The following KISS1R variants were observed in gnomAD, a reference collection of about 807,000 sequenced individuals.
KISS1R encodes KISS1 receptor, also known as kiSS-1 receptor.
In KISS1R, 19 loss-of-function variants were observed where a neutral mutation model predicts 22.0. That is an observed-to-expected ratio of 0.86 (90% CI 0.60 to 1.26). The LOEUF (loss-of-function observed/expected upper bound fraction) is 1.26, where lower values mean the gene tolerates loss of function less well. KISS1R is among the 50% of genes most tolerant of loss of function. The probability of loss-of-function intolerance (pLI) is 0.00; values close to 1 mark genes in which losing one functional copy is unlikely to be tolerated. For synonymous variants in KISS1R, 302 were observed against 283.9 expected, an observed-to-expected ratio of 1.06 and a Z score of -0.64; for missense variants, 653 against 581.9, an observed-to-expected ratio of 1.12 and a Z score of -1.26.
chr19:918,499 C>T, intron 1 of KISS1R, 45 bp from the exon 2 acceptor site: 3 of 1,535,628 alleles, frequency 2.0e-6, no homozygotes, highest in Non-Finnish European at 2.6e-6. Context: ...GCGGTTCCCG[C>T]GGCCAGTGGC....
Position 918,650 on chromosome 19 carries a change from C to T in KISS1R, c.351C>T (p.Phe117=), listed in dbSNP as rs1173854737. The T allele has an allele frequency of 6.4e-7, 1 of 1,550,948 alleles. No homozygotes were observed. The highest frequency in any genetic ancestry group is 1.2e-5 in the South Asian group (1 of 84,074). The part of the protein sequence containing the change: ...GWVLGDFMCK[F]VNYIQQVSVQ... ...TGCTGGGCGACTTCATGTGCAAGTT[C>T]GTCAACTACATCCAGCAGGTGCGCT... The change falls in exon 2 of 5, where the codon TTC becomes TTT. Residue 117 remains phenylalanine (F), a synonymous_variant. Coordinates refer to ENST00000234371, the MANE Select transcript of KISS1R (RefSeq NM_032551.5).
chr19:918,616 C>A lies in KISS1R; in HGVS notation c.317C>A (p.Pro106His). The part of the protein sequence containing the change: ...VPFTALLYPL[P>H]GWVLGDFMCK... The stretch of plus-strand genomic sequence containing the variant: ...TTCACGGCCCTGCTGTACCCGCTGC[C>A]CGGCTGGGTGCTGGGCGACTTCATG... Residue 106 changes from proline to histidine, a missense_variant, in exon 2 of 5, where the codon CCC (proline) becomes CAC (histidine). Physicochemically the swap from Pro to His is moderately conservative, Grantham distance 77. Transcript: ENST00000234371. 6.4e-7 allele frequency: 1 copy of A among 1,551,568 alleles called. No homozygotes were observed. The highest frequency in any genetic ancestry group is 8.7e-7 in the Non-Finnish European group (1 of 1,147,240).
At position 920,793 on chromosome 19, in the gene KISS1R, T is replaced by C; in HGVS notation, c.*45T>C. On this transcript the variant is annotated 3_prime_UTR_variant, in exon 5 of 5. Transcript: ENST00000234371. ...GAGCGGCTCCCTCGGGAGCGGGGAC[T>C]GCTGGAACAGCGGCTATTCTTCTGT... 7 of 1,248,224 alleles carry C rather than the reference T, an allele frequency of 5.6e-6. No individual in the cohort carries two copies. Among genetic ancestry groups the C allele is most frequent in the Non-Finnish European group, 7.0e-6 (7 of 997,208 alleles). The allele number at this position is 1,248,224 out of a possible 1,614,324, so 77.3% of individuals were successfully genotyped here.
rs1354210501 is a variant in KISS1R at position 920,913 on chromosome 19, T to G, written c.*165T>G. ...GTTTCGTTGTGAAGTTTGCTATTGATATTGAAATTATGACTTCTGTGTTTC... is the reference window on the plus strand; with the variant it reads ...GTTTCGTTGTGAAGTTTGCTATTGAGATTGAAATTATGACTTCTGTGTTTC... On this transcript the variant is annotated 3_prime_UTR_variant, in exon 5 of 5. Coordinates refer to ENST00000234371, the MANE Select transcript of KISS1R (RefSeq NM_032551.5). The G allele has an allele frequency of 1.5e-5, 11 of 723,818 alleles. No individual in the cohort carries two copies. The highest frequency in any genetic ancestry group is 2.1e-5 in the Non-Finnish European group (11 of 527,278). The allele number at this position is 723,818 out of a possible 1,614,324, so 44.8% of individuals were successfully genotyped here. A position where few individuals can be genotyped will look rare whatever the true frequency, so the allele number is the denominator to read the frequency against.
At chr19:918,814 G>C (rs1015975261) in intron 2 of KISS1R, 146 bp downstream of exon 2, 29 of 779,570 alleles carry the variant, frequency 3.7e-5, no homozygotes, top group Admixed American at 1.1e-4. Flanking sequence ...GGGACGGGGA[G>C]GGGGGGTGCG....
Position 917,696 on chromosome 19 carries a change from A to G in KISS1R, c.194A>G (p.Tyr65Cys), listed in dbSNP as rs372049424. The change falls in exon 1 of 5, where the codon TAC (tyrosine) becomes TGC (cysteine). Residue 65 changes from tyrosine (Y) to cysteine (C), a missense_variant. Coordinates refer to ENST00000234371, the MANE Select transcript of KISS1R (RefSeq NM_032551.5). ...LGLVGNSLVI[Y>C]VICRHKPMRT... Reference sequence around the variant, plus strand: ...CTGGTGGGGAACTCGCTGGTCATCTACGTCATCTGCCGCCACAAGCCGATG... The same window carrying G: ...CTGGTGGGGAACTCGCTGGTCATCTGCGTCATCTGCCGCCACAAGCCGATG... 6 of 1,596,950 alleles carry G rather than the reference A, an allele frequency of 3.8e-6. No individual in the cohort carries two copies. The highest frequency in any genetic ancestry group is 5.1e-6 in the Non-Finnish European group (6 of 1,173,228).
Position 919,613 on chromosome 19 carries a change from A to G in KISS1R, c.493A>G (p.Ser165Gly), listed in dbSNP as rs1172486808. 1 of 1,551,994 alleles carries G rather than the reference A, an allele frequency of 6.4e-7. No individual in the cohort carries two copies. The highest frequency in any genetic ancestry group is 2.4e-5 in the East Asian group (1 of 41,938). The change falls in exon 3 of 5, where the codon AGC becomes GGC. Residue 165 changes from serine (S) to glycine (G), a missense_variant. Ser to Gly is a moderately conservative substitution (Grantham distance 56, BLOSUM62 0). Transcript: ENST00000234371. The part of the protein sequence containing the change: ...TPRLALAVSL[S>G]IWVGSAAVSA... ...CCGCCTGGCGCTGGCTGTCAGCCTCAGCATCTGGGTAGGTGAGTACAGCTC... is the reference window on the plus strand; with the variant it reads ...CCGCCTGGCGCTGGCTGTCAGCCTCGGCATCTGGGTAGGTGAGTACAGCTC...
At chr19:919,818 C>T (rs1401121866) in intron 3 of KISS1R, 56 bp from the exon 4 acceptor site, 7 of 1,516,250 alleles carry the variant, frequency 4.6e-6, no homozygotes, top group African/African-American at 1.4e-5. Context: ...CCCGGGGAGG[C>T]ACGTGGGGGA....
chr19:917,516 C>A lies in KISS1R; in HGVS notation c.14C>A (p.Ala5Asp). The change falls in exon 1 of 5, where the codon GCT (alanine) becomes GAT (aspartate). Residue 5 changes from alanine to aspartate, a missense_variant. Ala to Asp is a moderately radical substitution (Grantham distance 126, BLOSUM62 -2). Transcript: ENST00000234371. Reference sequence around the variant, plus strand: ...GTGCGCGCGGCCATGCACACCGTGGCTACGTCCGGACCCAACGCGTCCTGG... The same window carrying A: ...GTGCGCGCGGCCATGCACACCGTGGATACGTCCGGACCCAACGCGTCCTGG... The part of the protein sequence containing the change: MHTV[A>D]TSGPNASWGA... The A allele has an allele frequency of 6.7e-7, 1 of 1,492,176 alleles. No individual in the cohort carries two copies. The highest frequency in any genetic ancestry group is 2.6e-5 in the East Asian group (1 of 37,930). 92.4% of individuals were successfully genotyped at this position (1,492,176 alleles called of 1,614,324 possible).
In KISS1R at chr19:918,563, C is replaced by T; in HGVS notation, c.264C>T (p.Asp88=). 6.4e-7 allele frequency: 1 copy of T among 1,550,986 alleles called. No individual in the cohort carries two copies. Among genetic ancestry groups the T allele is most frequent in the Non-Finnish European group, 8.7e-7 (1 of 1,147,352 alleles). ...CCGCAGCCAACCTGGCGGCCACGGA[C>T]GTGACCTTCCTCCTGTGCTGCGTCC... ...NFYIANLAAT[D]VTFLLCCVPF... The change falls in exon 2 of 5, where the codon GAC becomes GAT. Residue 88 remains aspartate (D), a synonymous_variant. Coordinates refer to ENST00000234371, the MANE Select transcript of KISS1R (RefSeq NM_032551.5).
At chr19:917,848 C>A (rs1308779231) in intron 1 of KISS1R, 102 bp downstream of exon 1, 3 of 1,370,158 alleles carry the variant, frequency 2.2e-6, no homozygotes, top group Non-Finnish European at 2.9e-6. Context: ...CTCTCGGACC[C>A]GGCTCTGTCC....
At position 917,686 on chromosome 19, in the gene KISS1R, C is replaced by T; in HGVS notation, c.184C>T (p.Leu62=). 4 of 1,597,070 alleles carry T rather than the reference C, an allele frequency of 2.5e-6. No homozygotes were observed. The highest frequency in any genetic ancestry group is 3.4e-6 in the Non-Finnish European group (4 of 1,173,230). ...GCTGCTGGGCCTGGTGGGGAACTCG[C>T]TGGTCATCTACGTCATCTGCCGCCA... The part of the protein sequence containing the change: ...LMLLGLVGNS[L]VIYVICRHKP... Residue 62 remains leucine, a synonymous_variant, in exon 1 of 5, where the codon CTG becomes TTG. Coordinates refer to ENST00000234371, the MANE Select transcript of KISS1R (RefSeq NM_032551.5).
chr19:920,437 C>T lies in KISS1R; in HGVS notation c.886C>T (p.Pro296Ser), dbSNP rs1180030167. 6.2e-7 allele frequency: 1 copy of T among 1,609,896 alleles called. No individual in the cohort carries two copies. Among genetic ancestry groups the T allele is most frequent in the South Asian group, 1.1e-5 (1 of 90,720 alleles). Reference sequence around the variant, plus strand: ...GCTGGGCCCCGCGGGCTCCTGGCACCCACGCAGCTACGCCGCCTACGCGCT... The same window carrying T: ...GCTGGGCCCCGCGGGCTCCTGGCACTCACGCAGCTACGCCGCCTACGCGCT... ...QALGPAGSWH[P>S]RSYAAYALKT... Residue 296 changes from proline (P) to serine (S), a missense_variant, in exon 5 of 5, where the codon CCA becomes TCA. Physicochemically the swap from Pro to Ser is moderately conservative, Grantham distance 74 (BLOSUM62 -1). Transcript: ENST00000234371.
In KISS1R at chr19:920,368, G is replaced by A. The variant is rs748734882; in HGVS notation, c.817G>A (p.Ala273Thr). Residue 273 changes from alanine to threonine, a missense_variant, in exon 5 of 5, where the codon GCC becomes ACC. Physicochemically the swap from Ala to Thr is moderately conservative, Grantham distance 58. Transcript: ENST00000234371. ...RLVAAVVLLF[A>T]ACWGPIQLFL... is the part of the protein sequence containing the mutation. ...GGTGGCGGCCGTGGTCCTGCTCTTC[G>A]CCGCCTGCTGGGGCCCCATCCAGCT... 1.9e-6 allele frequency: 3 copies of A among 1,576,364 alleles called. No homozygotes were observed. Among genetic ancestry groups the A allele is most frequent in the African/African-American group, 2.7e-5 (2 of 73,538 alleles).
In KISS1R at chr19:917,644, T is replaced by A. The variant is rs1256478891; in HGVS notation, c.142T>A (p.Phe48Ile). Residue 48 changes from phenylalanine to isoleucine, a missense_variant, in exon 1 of 5, where the codon TTC (phenylalanine) becomes ATC (isoleucine). By Grantham distance (21) the Phe-to-Ile change is conservative. Coordinates refer to ENST00000234371, the MANE Select transcript of KISS1R (RefSeq NM_032551.5). ...RAVDAWLVPL[F>I]FAALMLLGLV... ...CGTGGACGCCTGGCTCGTGCCGCTC[T>A]TCTTCGCGGCGCTGATGCTGCTGGG... 2 of 1,588,494 alleles carry A rather than the reference T, an allele frequency of 1.3e-6. No individual in the cohort carries two copies. Among genetic ancestry groups the A allele is most frequent in the African/African-American group, 1.3e-5 (1 of 74,416 alleles).
chr19:920,361 G>C lies in KISS1R; in HGVS notation c.810G>C (p.Leu270=). ...KVSRLVAAVV[L]LFAACWGPIQ... is the part of the protein sequence containing the mutation. Reference sequence around the variant, plus strand: ...CGCGGCTGGTGGCGGCCGTGGTCCTGCTCTTCGCCGCCTGCTGGGGCCCCA... The same window carrying C: ...CGCGGCTGGTGGCGGCCGTGGTCCTCCTCTTCGCCGCCTGCTGGGGCCCCA... The change falls in exon 5 of 5, where the codon CTG becomes CTC. Residue 270 remains leucine, a synonymous_variant. Coordinates refer to ENST00000234371, the MANE Select transcript of KISS1R (RefSeq NM_032551.5). The C allele has an allele frequency of 1.3e-6, 2 of 1,571,064 alleles. No individual in the cohort carries two copies. Among genetic ancestry groups the C allele is most frequent in the South Asian group, 1.2e-5 (1 of 86,934 alleles).
Position 917,665 on chromosome 19 carries a change from C to G in KISS1R, c.163C>G (p.Leu55Val), listed in dbSNP as rs753724759. ...GCTCTTCTTCGCGGCGCTGATGCTG[C>G]TGGGCCTGGTGGGGAACTCGCTGGT... Reference protein sequence around the residue: ...VPLFFAALMLLGLVGNSLVIY... With the variant: ...VPLFFAALMLVGLVGNSLVIY... The change falls in exon 1 of 5, where the codon CTG becomes GTG. Residue 55 changes from leucine (L) to valine (V), a missense_variant. Leu to Val is a conservative substitution (Grantham distance 32, BLOSUM62 1). Transcript: ENST00000234371. The G allele has an allele frequency of 6.3e-7, 1 of 1,594,684 alleles. No homozygotes were observed. Among genetic ancestry groups the G allele is most frequent in the African/African-American group, 1.3e-5 (1 of 74,486 alleles).
rs1482254411 is a variant in KISS1R, at chr19:917,630, G to C, written c.128G>C (p.Trp43Ser). The C allele has an allele frequency of 1.3e-6, 2 of 1,582,114 alleles. No homozygotes were observed. The highest frequency in any genetic ancestry group is 1.3e-5 in the African/African-American group (1 of 74,262). The change falls in exon 1 of 5, where the codon TGG becomes TCG. Residue 43 changes from tryptophan (W) to serine (S), a missense_variant. Coordinates refer to ENST00000234371, the MANE Select transcript of KISS1R (RefSeq NM_032551.5). ...PVPSPRAVDA[W>S]LVPLFFAALM... ...CCTTCGCCGCGGGCCGTGGACGCCTGGCTCGTGCCGCTCTTCTTCGCGGCG... is the reference window on the plus strand; with the variant it reads ...CCTTCGCCGCGGGCCGTGGACGCCTCGCTCGTGCCGCTCTTCTTCGCGGCG...
At chr19:918,780 T>A in intron 2 of KISS1R, 112 bp downstream of exon 2, 1 of 111,784 alleles carries the variant, frequency 8.9e-6, no homozygotes, top group African/African-American at 3.2e-4. Context: ...CGCTCCGCAG[T>A]GGGAGGGGAG....
Sources: allele counts gnomAD v4.1 joint callset, GRCh38; gene constraint gnomAD v4.1.1; transcripts MANE v1.5; gene names NCBI Gene and HGNC (gene_info 2026-07-23, HGNC 2026-07-21).